The following DLGAP2 variants were observed in gnomAD, a reference collection of about 807,000 sequenced individuals.
The protein encoded by DLGAP2 is disks large-associated protein 2.
A neutral mutation model predicts 100.3 loss-of-function variants in DLGAP2; 26 were observed. The observed-to-expected ratio is 0.26, with a 90% CI of 0.19 to 0.36. DLGAP2 has a LOEUF of 0.36. Ranked by LOEUF, DLGAP2 falls within the 10% of genes least tolerant of loss-of-function variation. The probability of loss-of-function intolerance (pLI) is 1.00; values close to 1 mark genes in which losing one functional copy is unlikely to be tolerated. For missense variants in DLGAP2, 1,858 were observed against 1,453.2 expected, an observed-to-expected ratio of 1.28 and a Z score of -4.53; for synonymous variants, 886 against 630.1, an observed-to-expected ratio of 1.41 and a Z score of -6.08.
At chr8:1,027,643 G>T (rs1451475065) in intron 2 of DLGAP2, among the ~76,000 whole-genome samples, 13 of 145,960 alleles carry the variant, frequency 8.9e-5, no homozygotes, top group Non-Finnish European at 3.0e-5. Context: ...TATTCTCCAG[G>T]TGGGGTACCA....
At chr8:1,293,957 G>C (rs751861267) in intron 3 of DLGAP2, among the ~76,000 whole-genome samples, 3 of 152,214 alleles carry the variant, frequency 2.0e-5, no homozygotes, top group Non-Finnish European at 2.9e-5. Context: ...CGGATACCTT[G>C]CACCGTATTG....
intron 8 of DLGAP2, among the ~76,000 whole-genome samples, chr8:1,656,430 A>G (rs1379281408): frequency 2.6e-5 from 4 of 152,176 alleles, no homozygotes; most frequent in Non-Finnish European, 5.9e-5. Context: ...GGCATTTTCA[A>G]TGGGTAGCAG....
Position 1,582,626 on chromosome 8 carries a change from G to T in DLGAP2, c.1442+16732G>T, listed in dbSNP as rs139990709. Reference sequence around the variant, plus strand: ...CCCCGCCAAGATGGAGTCTCGCTCCGTCACCCAGGCTGGAGTGTGGTGGCA... The same window carrying T: ...CCCCGCCAAGATGGAGTCTCGCTCCTTCACCCAGGCTGGAGTGTGGTGGCA... On this transcript the variant is annotated intron_variant, in intron 6 of 14. Transcript: ENST00000637795. 2.4e-4 allele frequency among the ~76,000 whole-genome samples: 36 copies of T among 152,040 alleles called. No homozygotes were observed. The East Asian group carries it at 6.0e-3, about 25-fold the overall frequency.
At chr8:1,587,069 G>C (rs1403890388) in intron 6 of DLGAP2, among the ~76,000 whole-genome samples, 1 of 152,172 alleles carries the variant, frequency 6.6e-6, no homozygotes, top group Non-Finnish European at 1.5e-5. Flanking sequence ...ACAGACACTG[G>C]CTTATTGCCT....
chr8:1,085,939 A>T (rs1260226875), intron 2 of DLGAP2, among the ~76,000 whole-genome samples: 1 of 152,186 alleles, frequency 6.6e-6, no homozygotes, highest in East Asian at 1.9e-4. Flanking sequence ...GTTGTCTTTC[A>T]TTAAAGTTTT....
chr8:824,581 C>T (rs926063971), intron 1 of DLGAP2, among the ~76,000 whole-genome samples: 1 of 151,696 alleles, frequency 6.6e-6, no homozygotes, highest in African/African-American at 2.4e-5. Context: ...TTCCCCTTGT[C>T]CTGGCCCCAG....
chr8:1,051,886 AAT>A (rs1802724222), intron 2 of DLGAP2, among the ~76,000 whole-genome samples: 1 of 152,004 alleles, frequency 6.6e-6, no homozygotes, highest in African/African-American at 2.4e-5. Flanking sequence ...TTTTCCTTTC[AAT>A]TTCAACATGC....
intron 2 of DLGAP2, among the ~76,000 whole-genome samples, chr8:986,994 A>G (rs959555063): frequency 1.3e-5 from 2 of 152,180 alleles, no homozygotes; most frequent in African/African-American, 4.8e-5. Context: ...CATTTAATGT[A>G]TACAGTAATC....
At chr8:1,154,034 C>T (rs1796738953) in intron 2 of DLGAP2, among the ~76,000 whole-genome samples, 1 of 151,852 alleles carries the variant, frequency 6.6e-6, no homozygotes. Context: ...AGGAAGCAAG[C>T]ATAAACAAGG....
chr8:1,223,478 A>G (rs1425967874), intron 2 of DLGAP2, among the ~76,000 whole-genome samples: 1 of 152,236 alleles, frequency 6.6e-6, no homozygotes, highest in Non-Finnish European at 1.5e-5. Context: ...TCTTTCTTCT[A>G]CAAGATGACT....
chr8:1,671,843 C>T (rs1798698579), intron 10 of DLGAP2, among the ~76,000 whole-genome samples: 4 of 152,184 alleles, frequency 2.6e-5, no homozygotes, highest in East Asian at 1.9e-4. Flanking sequence ...GCCAGATGCC[C>T]GTAGGAGAGA....
intron 3 of DLGAP2, among the ~76,000 whole-genome samples, chr8:1,439,043 A>T (rs998055773): frequency 6.6e-6 from 1 of 152,246 alleles, no homozygotes; most frequent in Admixed American, 6.5e-5. Flanking sequence ...ACAAAGCTTC[A>T]GTGTAGAGTC....
chr8:1,012,363 G>T (rs971582540), intron 2 of DLGAP2, among the ~76,000 whole-genome samples: 2 of 152,242 alleles, frequency 1.3e-5, no homozygotes, highest in African/African-American at 2.4e-5. Flanking sequence ...ATACTGTACT[G>T]TGATAGAAAG....
Position 1,412,819 on chromosome 8 carries a change from A to G in DLGAP2, c.107-88547A>G, listed in dbSNP as rs114974476. 6.9e-3 allele frequency among the ~76,000 whole-genome samples: 1,055 copies of G among 152,310 alleles called. 10 individuals carry two copies. Among genetic ancestry groups the G allele is most frequent in the African/African-American group, 0.024 (996 of 41,560 alleles). ...CCCTATTCACAGCCCTCCCCAGCAG[A>G]TGGCCTGTGTCTCCAGTGCTCAGGG... On this transcript the variant is annotated intron_variant, in intron 3 of 14. Coordinates refer to ENST00000637795, the MANE Select transcript of DLGAP2 (RefSeq NM_001346810.2).
intron 3 of DLGAP2, among the ~76,000 whole-genome samples, chr8:1,488,744 G>A (rs554812559): frequency 3.9e-5 from 6 of 152,270 alleles, no homozygotes; most frequent in African/African-American, 7.2e-5. Context: ...TGGGCATGAC[G>A]ACGTTTTATC....
chr8:786,987 T>C (rs1821883900), intron 1 of DLGAP2, among the ~76,000 whole-genome samples: 1 of 152,178 alleles, frequency 6.6e-6, no homozygotes, highest in Non-Finnish European at 1.5e-5. Context: ...CCTGTCAGAT[T>C]CTAACCAGGA....
chr8:1,254,430 A>G (rs1473289138), intron 2 of DLGAP2, among the ~76,000 whole-genome samples: 1 of 152,112 alleles, frequency 6.6e-6, no homozygotes, highest in African/African-American at 2.4e-5. Context: ...GGTCACATTT[A>G]GGAACGTCTT....
intron 13 of DLGAP2, among the ~76,000 whole-genome samples, chr8:1,694,350 G>C (rs536133412): frequency 7.9e-5 from 12 of 152,158 alleles, no homozygotes; most frequent in Non-Finnish European, 1.8e-4. Flanking sequence ...GCTGGAAGTT[G>C]TTGGTAGGTA....
intron 8 of DLGAP2, among the ~76,000 whole-genome samples, chr8:1,634,316 G>A (rs544540880): frequency 3.3e-5 from 5 of 152,148 alleles, no homozygotes; most frequent in African/African-American, 7.2e-5. Flanking sequence ...CCACTGAGCC[G>A]GGGGCTTCGG....
Sources: gnomAD v4.1 joint callset for allele counts (sites outside exome capture counted in the v4.1 genomes callset) on GRCh38, gnomAD v4.1.1 for gene constraint, MANE v1.5 for transcripts, NCBI Gene and HGNC (gene_info 2026-07-23, HGNC 2026-07-21) for gene names.